The following ULK1 variants were observed in gnomAD, a reference collection of about 807,000 sequenced individuals.
ULK1 encodes serine/threonine-protein kinase ULK1.
Under a neutral mutation model 117.5 loss-of-function variants are expected in ULK1, and 48 were observed. The ratio of observed to expected loss-of-function variants is 0.41; its 90% confidence interval spans 0.32 to 0.52. The LOEUF (loss-of-function observed/expected upper bound fraction) is 0.52, where lower values mean the gene tolerates loss of function less well. Ranked by LOEUF, ULK1 falls within the 20% of genes least tolerant of loss-of-function variation. The probability of loss-of-function intolerance (pLI) is 0.29; values close to 1 mark genes in which losing one functional copy is unlikely to be tolerated. For synonymous variants in ULK1, 790 were observed against 637.8 expected (o/e 1.24, Z -3.60); for missense variants, 1,387 against 1,473.4 (o/e 0.94, Z 0.96).
intron 26 of ULK1, chr12:131,920,890 T>C (rs1890122137): frequency 1.5e-6 from 1 of 662,532 alleles, no homozygotes; most frequent in Non-Finnish European, 2.5e-6. Flanking sequence ...CTGAGAGCGC[T>C]GGCCAGGGTC....
chr12:131,919,412 C>T (rs201772886), intron 24 of ULK1, 28 bp downstream of exon 24: 5,056 of 363,580 alleles, frequency 0.014, 12 homozygotes, highest in Non-Finnish European at 0.022. Context: ...TGGGGTGGGG[C>T]GGGTGGTGGC....
intron 23 of ULK1, 146 bp from the exon 24 acceptor site, chr12:131,919,066 G>C (rs745688001): frequency 4.9e-6 from 4 of 823,372 alleles, no homozygotes; most frequent in Non-Finnish European, 7.4e-6. Context: ...GTGGGGTGTC[G>C]GGCGTGGCAC....
chr12:131,909,921 T>TC lies in ULK1; in HGVS notation c.733dup (p.Arg245ProfsTer27). The TC allele has an allele frequency of 1.2e-6, 2 of 1,611,776 alleles. No individual in the cohort carries two copies. The highest frequency in any genetic ancestry group is 1.7e-6 in the Non-Finnish European group (2 of 1,179,686). ...ACACCAGCCTCCTCTTGCCCCAGCA[T>TC]CCCCCGGGAGACCTCGGCCCCGCTG... On this transcript the variant is annotated frameshift_variant, in exon 10 of 28. Transcript: ENST00000321867. LOFTEE classifies it high-confidence loss of function.
intron 3 of ULK1, chr12:131,896,495 T>A (rs1301980643): frequency 1.3e-5 from 2 of 154,192 alleles, no homozygotes; most frequent in African/African-American, 4.8e-5. Flanking sequence ...AAGTGCTGAC[T>A]AATGGCTCTG....
intron 18 of ULK1, 33 bp downstream of exon 18, chr12:131,915,454 A>G: frequency 6.2e-7 from 1 of 1,606,246 alleles, no homozygotes; most frequent in Non-Finnish European, 8.5e-7. Context: ...AGGGGGTGCT[A>G]GGCTGACCTC....
intron 3 of ULK1, among the ~76,000 whole-genome samples, chr12:131,906,053 G>A (rs1435762438): frequency 4.6e-5 from 7 of 152,194 alleles, no homozygotes; most frequent in African/African-American, 1.7e-4. Flanking sequence ...GGAGGCCGCA[G>A]GCCTCTGCGT....
intron 7 of ULK1, 47 bp downstream of exon 7, chr12:131,909,018 C>T (rs1367995089): frequency 1.9e-6 from 3 of 1,612,410 alleles, no homozygotes; most frequent in Non-Finnish European, 1.7e-6. Flanking sequence ...CCTCTCTGGG[C>T]TTGCTGGTTG....
Position 131,916,998 on chromosome 12 carries a change from G to T in ULK1, c.2118G>T (p.Ala706=), listed in dbSNP as rs768265590. Residue 706 remains alanine (A), a synonymous_variant, in exon 21 of 28, where the codon GCG becomes GCT. Transcript: ENST00000321867. ...TCACTGACCTGCTCCTTAAGGCGGC[G>T]TTTGGGACACAAGCCCCGGACCCGG... ...SRLTDLLLKA[A]FGTQAPDPGS... 2 of 1,607,008 alleles carry T rather than the reference G, an allele frequency of 1.2e-6. No individual in the cohort carries two copies. The highest frequency in any genetic ancestry group is 1.7e-6 in the Non-Finnish European group (2 of 1,177,518).
chr12:131,919,200 C>G lies in ULK1; in HGVS notation c.2512-12C>G. ...GGGCAGCACTTGCCGCCCTGACGGC[C>G]GCTTCCTGCAGCAAGAGCACACGGA... On this transcript the variant is annotated splice_polypyrimidine_tract_variant and intron_variant, in intron 23 of 27. Transcript: ENST00000321867. 1.3e-6 allele frequency: 2 copies of G among 1,586,584 alleles called. No individual in the cohort carries two copies. The highest frequency in any genetic ancestry group is 2.2e-5 in the South Asian group (2 of 89,910).
At chr12:131,904,210 G>A (rs575822776) in intron 3 of ULK1, among the ~76,000 whole-genome samples, 6 of 152,184 alleles carry the variant, frequency 3.9e-5, no homozygotes, top group African/African-American at 9.7e-5. Flanking sequence ...GCAGTGGCAC[G>A]ATCTCCCGGC....
At chr12:131,912,925 G>A (rs1457754154) in intron 13 of ULK1, among the ~76,000 whole-genome samples, 1 of 152,188 alleles carries the variant, frequency 6.6e-6, no homozygotes, top group Non-Finnish European at 1.5e-5. Context: ...GGCCCCAGGG[G>A]TCTCTGGGGC....
chr12:131,910,355 T>A, intron 11 of ULK1, 51 bp downstream of exon 11: 1 of 1,610,040 alleles, frequency 6.2e-7, no homozygotes, highest in Non-Finnish European at 8.5e-7. Flanking sequence ...ATGCACCCCT[T>A]CCTCCCCGGG....
chr12:131,899,808 C>T (rs1351539992), intron 3 of ULK1, among the ~76,000 whole-genome samples: 1 of 152,178 alleles, frequency 6.6e-6, no homozygotes, highest in Non-Finnish European at 1.5e-5. Context: ...CCTCCTGGCA[C>T]CTCCGTTTTC....
chr12:131,921,320 G>C lies in ULK1; in HGVS notation c.3112G>C (p.Glu1038Gln). ...TCCCTCCACAGGCAAGCTGTGCATTGAGCGGAGACTCTCGGCGCTGCTGAC... is the reference window on the plus strand; with the variant it reads ...TCCCTCCACAGGCAAGCTGTGCATTCAGCGGAGACTCTCGGCGCTGCTGAC... Reference protein sequence around the residue: ...ENVTKCKLCIERRLSALLTGI... With the variant: ...ENVTKCKLCIQRRLSALLTGI... The change falls in exon 28 of 28, where the codon GAG becomes CAG. Residue 1038 changes from glutamate to glutamine, a missense_variant. Glu to Gln is a conservative substitution (Grantham distance 29). Around this residue, in one of 4 missense-constraint regions of ULK1, gnomAD observed 900 missense variants for 858.9 expected, o/e 1.05. Coordinates refer to ENST00000321867, the MANE Select transcript of ULK1 (RefSeq NM_003565.4). 2 of 1,607,142 alleles carry C rather than the reference G, an allele frequency of 1.2e-6. No homozygotes were observed. The highest frequency in any genetic ancestry group is 1.7e-6 in the Non-Finnish European group (2 of 1,179,938).
intron 13 of ULK1, among the ~76,000 whole-genome samples, chr12:131,912,770 C>T (rs1313700507): frequency 6.6e-6 from 1 of 152,206 alleles, no homozygotes; most frequent in Non-Finnish European, 1.5e-5. Context: ...GTCAGGGCAA[C>T]AGGAAGACGG....
chr12:131,905,511 C>A (rs1345767058), intron 3 of ULK1, among the ~76,000 whole-genome samples: 9 of 152,162 alleles, frequency 5.9e-5, no homozygotes, highest in Admixed American at 5.9e-4. Context: ...TGGGATGGCC[C>A]TACAACAGGT....
At position 131,921,349 on chromosome 12, in the gene ULK1, C is replaced by A. The variant is rs547185476; in HGVS notation, c.3141C>A (p.Gly1047=). 2.3e-5 allele frequency: 37 copies of A among 1,604,556 alleles called. No homozygotes were observed. Among genetic ancestry groups the A allele is most frequent in the Admixed American group, 8.3e-5 (5 of 60,030 alleles). ...GGAGACTCTCGGCGCTGCTGACTGG[C>A]ATCTGTGCCTGACCTTTCTGGCCTG... ...IERRLSALLT[G]ICA The change falls in exon 28 of 28, where the codon GGC becomes GGA. Residue 1047 remains glycine (G), a synonymous_variant. Transcript: ENST00000321867.
intron 22 of ULK1, among the ~76,000 whole-genome samples, chr12:131,917,994 A>G (rs978878759): frequency 5.3e-5 from 8 of 152,074 alleles, no homozygotes; most frequent in African/African-American, 1.9e-4. Context: ...CTGGGTCCCC[A>G]CTGCGGGTTC....
rs749889025 is a variant in ULK1 at position 131,916,934 on chromosome 12, GC to G, written c.2073-16del. 3 of 1,604,246 alleles carry G rather than the reference GC, an allele frequency of 1.9e-6. No individual in the cohort carries two copies. Among genetic ancestry groups the G allele is most frequent in the Non-Finnish European group, 2.6e-6 (3 of 1,175,154 alleles). ...TGGGGTGGGCCGGGCACCCAGCACA[GC>G]CCTGCACACTCCCACAGGTCTTTCA... On this transcript the variant is annotated intron_variant, in intron 20 of 27. Transcript: ENST00000321867.
Sources: gnomAD v4.1 joint callset for allele counts (sites outside exome capture counted in the v4.1 genomes callset) on GRCh38, gnomAD v4.1.1 for gene constraint, gnomAD v4.1.1 regional missense constraint, MANE v1.5 for transcripts, NCBI Gene and HGNC (gene_info 2026-07-23, HGNC 2026-07-21) for gene names.